Variants in ABTB3 observed in about 807,000 individuals in gnomAD.
ABTB3 encodes the protein ankyrin repeat- and BTB/POZ domain-containing protein 3.
At chr12:107,406,592 C>A in the ABTB3 span, among the ~76,000 whole-genome samples, 1 of 152,124 alleles carries the variant, frequency 6.6e-6, no homozygotes, top group Non-Finnish European at 1.5e-5. Context: ...TAACCCATAG[C>A]CAATATTCAC....
At chr12:107,472,225 G>C in the ABTB3 span, among the ~76,000 whole-genome samples, 3 of 152,328 alleles carry the variant, frequency 2.0e-5, no homozygotes, top group African/African-American at 7.2e-5. Flanking sequence ...GTGATGAAGA[G>C]CTTGGAGCAG....
the ABTB3 span, among the ~76,000 whole-genome samples, chr12:107,566,151 T>A: frequency 6.6e-6 from 1 of 152,208 alleles, no homozygotes. Context: ...AGAAATTGCC[T>A]CTTTTCCTGC....
chr12:107,421,773 T>C, the ABTB3 span, among the ~76,000 whole-genome samples: 1 of 152,190 alleles, frequency 6.6e-6, no homozygotes, highest in Non-Finnish European at 1.5e-5. Context: ...TTGAAGACCA[T>C]GGATCTCATC....
At chr12:107,619,210 G>A in the ABTB3 span, among the ~76,000 whole-genome samples, 1 of 152,316 alleles carries the variant, frequency 6.6e-6, no homozygotes, top group South Asian at 2.1e-4. Context: ...AGCCTATTTT[G>A]CATGATGATG....
chr12:107,533,269 C>T, the ABTB3 span, among the ~76,000 whole-genome samples: 1 of 152,090 alleles, frequency 6.6e-6, no homozygotes. Context: ...TAAGTTTTCA[C>T]CTATCAATAA....
chr12:107,509,659 A>G, the ABTB3 span, among the ~76,000 whole-genome samples: 1 of 152,208 alleles, frequency 6.6e-6, no homozygotes, highest in Non-Finnish European at 1.5e-5. Flanking sequence ...GGAGCTCATC[A>G]CTGGGGCCGG....
At chr12:107,526,181 T>G in the ABTB3 span, among the ~76,000 whole-genome samples, 1 of 152,096 alleles carries the variant, frequency 6.6e-6, no homozygotes, top group Non-Finnish European at 1.5e-5. Flanking sequence ...GATAATAAAT[T>G]TTCTATTGAG....
chr12:107,538,720 C>G, the ABTB3 span, among the ~76,000 whole-genome samples: 1 of 152,148 alleles, frequency 6.6e-6, no homozygotes, highest in East Asian at 1.9e-4. Flanking sequence ...CATCAGCCAC[C>G]CCGCTGTCCT....
the ABTB3 span, among the ~76,000 whole-genome samples, chr12:107,526,614 G>A: frequency 6.6e-6 from 1 of 151,970 alleles, no homozygotes; most frequent in Non-Finnish European, 1.5e-5. Flanking sequence ...ATTAATTATA[G>A]TGTTTGCTTT....
the ABTB3 span, among the ~76,000 whole-genome samples, chr12:107,465,053 A>G: frequency 2.0e-5 from 3 of 152,020 alleles, no homozygotes; most frequent in Non-Finnish European, 4.4e-5. Context: ...AGGAGGGGAG[A>G]GTGTTAAGAA....
the ABTB3 span, among the ~76,000 whole-genome samples, chr12:107,459,002 C>T: frequency 1.3e-5 from 2 of 152,208 alleles, no homozygotes; most frequent in Non-Finnish European, 2.9e-5. Context: ...CCCTGCAGAA[C>T]TTTGCAGTGT....
chr12:107,611,740 C>T, the ABTB3 span, among the ~76,000 whole-genome samples: 3 of 152,168 alleles, frequency 2.0e-5, no homozygotes, highest in Non-Finnish European at 2.9e-5. Flanking sequence ...ACTTTTGTTT[C>T]CTTTTACACA....
At chr12:107,622,694 G>C in the ABTB3 span, among the ~76,000 whole-genome samples, 3 of 152,112 alleles carry the variant, frequency 2.0e-5, no homozygotes, top group Admixed American at 6.5e-5. Context: ...GGGTGATCTC[G>C]AACTCCTGAC....
the ABTB3 span, among the ~76,000 whole-genome samples, chr12:107,450,163 T>C: frequency 2.0e-5 from 3 of 152,148 alleles, no homozygotes; most frequent in Non-Finnish European, 4.4e-5. Flanking sequence ...GTTACTTGTC[T>C]TGTTCTTTCT....
At chr12:107,327,917 A>G in the ABTB3 span, among the ~76,000 whole-genome samples, 51 of 152,354 alleles carry the variant, frequency 3.3e-4, no homozygotes, top group African/African-American at 1.0e-3. Context: ...AAGCTCTGCC[A>G]TCTTGGACGC....
At chr12:107,470,547 T>C in the ABTB3 span, among the ~76,000 whole-genome samples, 1 of 152,160 alleles carries the variant, frequency 6.6e-6, no homozygotes, top group Non-Finnish European at 1.5e-5. Context: ...AGGGTCACGG[T>C]GTGGGCAGTG....
At chr12:107,464,610 C>A in the ABTB3 span, among the ~76,000 whole-genome samples, 1 of 152,070 alleles carries the variant, frequency 6.6e-6, no homozygotes, top group Non-Finnish European at 1.5e-5. Flanking sequence ...TGGGCCTGGC[C>A]AATGGTGACA....
chr12:107,551,442 C>G, the ABTB3 span, among the ~76,000 whole-genome samples: 1 of 152,300 alleles, frequency 6.6e-6, no homozygotes, highest in African/African-American at 2.4e-5. Flanking sequence ...TTTCCTCTGG[C>G]CATGGTAAAA....
At chr12:107,440,323 C>T in the ABTB3 span, among the ~76,000 whole-genome samples, 2 of 152,238 alleles carry the variant, frequency 1.3e-5, no homozygotes, top group African/African-American at 4.8e-5. Context: ...GTTTCCCAGA[C>T]ACCCCAAGCT....
Sources: allele counts gnomAD v4.1 joint callset (sites outside exome capture counted in the v4.1 genomes callset), GRCh38; gene constraint gnomAD v4.1.1; transcripts MANE v1.5; gene names NCBI Gene and HGNC (gene_info 2026-07-23, HGNC 2026-07-21).